RYR3: variants seen among roughly 807,000 people sequenced by gnomAD.
The protein encoded by RYR3 is ryanodine receptor 3.
Under a neutral mutation model 584.3 loss-of-function variants are expected in RYR3, and 207 were observed. The ratio of observed to expected loss-of-function variants is 0.35; its 90% CI spans 0.32 to 0.40. The LOEUF (loss-of-function observed/expected upper bound fraction) is 0.40. Among genes scored for constraint, RYR3 ranks in the 10% least tolerant of loss-of-function variants. RYR3 has a pLI of 1.00. For synonymous variants in RYR3, 2,416 were observed against 2,248.5 expected (o/e 1.07, Z -2.11); for missense variants, 5,616 against 6,089.2 (o/e 0.92, Z 2.59).
At chr15:33,830,471 A>G (rs1283281782) in intron 85 of RYR3, among the ~76,000 whole-genome samples, 3 of 152,264 alleles carry the variant, frequency 2.0e-5, no homozygotes, top group Non-Finnish European at 2.9e-5. Flanking sequence ...TATTGTAAAC[A>G]TAACTTTGAT....
intron 1 of RYR3, among the ~76,000 whole-genome samples, chr15:33,338,727 A>G (rs1971445891): frequency 6.6e-6 from 1 of 152,178 alleles, no homozygotes; most frequent in African/African-American, 2.4e-5. Context: ...GGGTCCCCAA[A>G]TTTAATTTCC....
chr15:33,820,619 C>G, intron 77 of RYR3, 137 bp from the exon 78 acceptor site: 1 of 675,648 alleles, frequency 1.5e-6, no homozygotes, highest in Non-Finnish European at 2.5e-6. Context: ...CCAAAATGTT[C>G]CTGGCTTTAC....
At chr15:33,552,057 C>T (rs1162122460) in intron 10 of RYR3, among the ~76,000 whole-genome samples, 1 of 152,204 alleles carries the variant, frequency 6.6e-6, no homozygotes. Context: ...CCCCTTTCTC[C>T]TTGACCCACT....
intron 3 of RYR3, among the ~76,000 whole-genome samples, chr15:33,508,922 C>G (rs1180881425): frequency 6.6e-6 from 1 of 152,116 alleles, no homozygotes; most frequent in Non-Finnish European, 1.5e-5. Context: ...AGATGACATG[C>G]CTGTGACTGC....
At chr15:33,441,903 GA>G (rs2046260508) in intron 1 of RYR3, among the ~76,000 whole-genome samples, 1 of 152,122 alleles carries the variant, frequency 6.6e-6, no homozygotes, top group African/African-American at 2.4e-5. Context: ...CACAGGATAA[GA>G]AGAGAAAAAA....
At chr15:33,669,861 T>G (rs1566919867) in intron 37 of RYR3, among the ~76,000 whole-genome samples, 368 of 31,354 alleles carry the variant, frequency 0.012, no homozygotes, top group African/African-American at 0.014. Context: ...GGGGGGGGTG[T>G]GGGTGTGTGG....
At chr15:33,570,926 T>C (rs182555687) in intron 12 of RYR3, among the ~76,000 whole-genome samples, 1 of 152,346 alleles carries the variant, frequency 6.6e-6, no homozygotes, top group Admixed American at 6.5e-5. Context: ...ATTGACCTAA[T>C]TGAAATTATT....
At chr15:33,556,574 A>C (rs1345018904) in intron 10 of RYR3, among the ~76,000 whole-genome samples, 1 of 152,238 alleles carries the variant, frequency 6.6e-6, no homozygotes, top group Non-Finnish European at 1.5e-5. Flanking sequence ...TTTGACTCTT[A>C]GAAGAAGATT....
At chr15:33,578,639 G>A (rs1440779590) in intron 12 of RYR3, among the ~76,000 whole-genome samples, 1 of 152,082 alleles carries the variant, frequency 6.6e-6, no homozygotes, top group Non-Finnish European at 1.5e-5. Context: ...CAGAGCATCA[G>A]GAAAAATAGC....
rs200743467 is a variant in RYR3, at chr15:33,353,783, CAG to C, written c.51+42688_51+42689del. Among the ~76,000 whole-genome samples the C allele has an allele frequency of 8.4e-3, 1,272 of 151,232 alleles. 18 individuals carry two copies. The highest frequency in any genetic ancestry group is 0.029 in the African/African-American group (1,210 of 41,272). ...GACAGTCTAATGGTGATTTTTTTTT[CAG>C]GTAGGTCTAGGGCAGATATTGCAGA... On this transcript the variant is annotated intron_variant, in intron 1 of 103. Coordinates refer to ENST00000634891, the MANE Select transcript of RYR3 (RefSeq NM_001036.6).
In RYR3 at chr15:33,838,335, G is replaced by A; in HGVS notation, c.12355G>A (p.Asp4119Asn). Residue 4119 changes from aspartate to asparagine, a missense_variant, in exon 89 of 104, where the codon GAT (aspartate) becomes AAT (asparagine). By Grantham distance (23) the Asp-to-Asn change is conservative (BLOSUM62 1). Coordinates refer to ENST00000634891, the MANE Select transcript of RYR3 (RefSeq NM_001036.6). The stretch of plus-strand genomic sequence containing the variant: ...GCCAGAAGAGGAGGAAGAAGATGAA[G>A]ATTCTTCTTACGTGTTAGAAATTGC... ...DRPEEEEEDE[D>N]SSYVLEIAGE... 6.2e-7 allele frequency: 1 copy of A among 1,614,044 alleles called. No homozygotes were observed.
chr15:33,420,455 A>G (rs1473329814), intron 1 of RYR3, among the ~76,000 whole-genome samples: 1 of 152,136 alleles, frequency 6.6e-6, no homozygotes, highest in Non-Finnish European at 1.5e-5. Context: ...GAGCAAGGTG[A>G]ATCTGCTGGA....
chr15:33,388,498 G>A (rs940629285), intron 1 of RYR3, among the ~76,000 whole-genome samples: 2 of 152,114 alleles, frequency 1.3e-5, no homozygotes, highest in African/African-American at 4.8e-5. Flanking sequence ...GAGGAAAAGC[G>A]ATTCTATAGG....
chr15:33,548,745 T>C (rs766468709), intron 9 of RYR3, among the ~76,000 whole-genome samples: 18 of 152,194 alleles, frequency 1.2e-4, no homozygotes, highest in Non-Finnish European at 1.9e-4. Context: ...CCACAAGCTT[T>C]GAATAACCTC....
chr15:33,816,328 A>G (rs918959760), intron 74 of RYR3, among the ~76,000 whole-genome samples: 1 of 152,234 alleles, frequency 6.6e-6, no homozygotes, highest in African/African-American at 2.4e-5. Flanking sequence ...TATGCCAACG[A>G]CGTAACGTGC....
At chr15:33,372,555 C>T (rs879375619) in intron 1 of RYR3, among the ~76,000 whole-genome samples, 9 of 151,838 alleles carry the variant, frequency 5.9e-5, no homozygotes, top group African/African-American at 9.7e-5. Flanking sequence ...TTAGTAGAGA[C>T]GAGGATTCAC....
chr15:33,433,479 T>C (rs1004221976), intron 1 of RYR3, among the ~76,000 whole-genome samples: 6 of 151,728 alleles, frequency 4.0e-5, no homozygotes, highest in African/African-American at 1.2e-4. Context: ...TAAGATGACA[T>C]AGAAGTAATG....
At position 33,724,137 on chromosome 15, in the gene RYR3, C is replaced by T. The variant is rs1292068126; in HGVS notation, c.6873C>T (p.Ala2291=). 6 of 1,612,292 alleles carry T rather than the reference C, an allele frequency of 3.7e-6. No individual in the cohort carries two copies. Among genetic ancestry groups the T allele is most frequent in the Non-Finnish European group, 5.1e-6 (6 of 1,178,642 alleles). Residue 2291 remains alanine, a synonymous_variant, in exon 45 of 104, where the codon GCC becomes GCT. Coordinates refer to ENST00000634891, the MANE Select transcript of RYR3 (RefSeq NM_001036.6). ...ATGCAATTATGTCATTTTATTCGGC[C>T]CTTATAGATCTACTGGGCCGCTGTG... ...MGNAIMSFYS[A]LIDLLGRCAP...
intron 2 of RYR3, among the ~76,000 whole-genome samples, chr15:33,488,842 C>A (rs2050723774): frequency 6.6e-6 from 1 of 151,904 alleles, no homozygotes; most frequent in African/African-American, 2.4e-5. Context: ...CCGAGCGAGA[C>A]TCTATCTCAA....
Sources: allele counts gnomAD v4.1 joint callset (sites outside exome capture counted in the v4.1 genomes callset), GRCh38; gene constraint gnomAD v4.1.1; transcripts MANE v1.5; gene names NCBI Gene and HGNC (gene_info 2026-07-23, HGNC 2026-07-21).